KLF13: variants seen among roughly 807,000 people sequenced by gnomAD.
KLF13 encodes the protein Krueppel-like factor 13.
In KLF13, 8 loss-of-function variants were observed where a neutral mutation model predicts 16.7. That is an observed-to-expected ratio of 0.48 (90% CI 0.28 to 0.87). The LOEUF (loss-of-function observed/expected upper bound fraction) is 0.87. Ranked by LOEUF, KLF13 falls within the 40% of genes least tolerant of loss-of-function variation. KLF13 has a pLI of 0.10. For missense variants in KLF13, 447 were observed against 452.2 expected (o/e 0.99, Z 0.10); for synonymous variants, 245 against 208.4 (o/e 1.18, Z -1.51).
rs1234244162 is a variant in KLF13 at position 31,375,722 on chromosome 15, A to AAAACAGACGGACACAGCCCTT, written c.*3424_*3444dup. ...CTACTGGATCCTACAGCCATACAGG[A>AAAACAGACGGACACAGCCCTT]AAACAGACGGACACAGCCCTTTCCT... On this transcript the variant is annotated 3_prime_UTR_variant, in exon 2 of 2. Coordinates refer to ENST00000307145, the MANE Select transcript of KLF13 (RefSeq NM_015995.4). The AAAACAGACGGACACAGCCCTT allele has an allele frequency of 6.6e-6, 1 of 152,312 alleles. No individual in the cohort carries two copies. Among genetic ancestry groups the AAAACAGACGGACACAGCCCTT allele is most frequent in the East Asian group, 1.9e-4 (1 of 5,182 alleles). 9.4% of individuals were successfully genotyped at this position (152,312 alleles called of 1,614,324 possible). A position where few individuals can be genotyped will look rare whatever the true frequency, so the allele number is the denominator to read the frequency against.
downstream of KLF13, among the ~76,000 whole-genome samples, chr15:31,380,530 G>C (rs1358846986): frequency 6.6e-6 from 1 of 152,186 alleles, no homozygotes; most frequent in Non-Finnish European, 1.5e-5. Context: ...CTTTCTCCTA[G>C]CCTTGTTGGT....
At chr15:31,399,651 G>T (rs1203789232) in intron 2 of KLF13, among the ~76,000 whole-genome samples, 1 of 152,240 alleles carries the variant, frequency 6.6e-6, no homozygotes, top group African/African-American at 2.4e-5. Flanking sequence ...CCGCCTCGTG[G>T]CTGGGTGCGG....
At chr15:31,426,411 T>C (rs2040402243) in intron 1 of KLF13, among the ~76,000 whole-genome samples, 1 of 152,196 alleles carries the variant, frequency 6.6e-6, no homozygotes, top group Non-Finnish European at 1.5e-5. Flanking sequence ...AATACTTTCC[T>C]GGATATGATA....
chr15:31,420,502 G>A (rs979767655), intron 1 of KLF13: 2 of 639,448 alleles, frequency 3.1e-6, no homozygotes, highest in Non-Finnish European at 5.8e-6. Context: ...CGTCTGTACT[G>A]TATGGCATCA....
At chr15:31,403,828 C>T (rs1343199083) in exon 3 of KLF13, 1 of 152,232 alleles carries the variant, frequency 6.6e-6, no homozygotes, top group Non-Finnish European at 1.5e-5. Flanking sequence ...ATTCACCACC[C>T]TCAGAGAGTT....
rs1366466399 is a variant in KLF13 at position 31,428,818 on chromosome 15, A to AG, written n.118-6552_118-6551insG. Among the ~76,000 whole-genome samples, 26 of 147,180 alleles carry AG rather than the reference A, an allele frequency of 1.8e-4. 1 individual carries two copies. Among genetic ancestry groups the AG allele is most frequent in the Admixed American group, 4.7e-4 (7 of 14,798 alleles). On this transcript the variant is annotated intron_variant and non_coding_transcript_variant, in intron 1 of 1. Transcript: ENST00000558225. ...ACTCTATCTCAAAAAAAAAAAAAAAAAAAAAAAGAAAAAGAAAAAGAAATG... is the reference window on the plus strand; with the variant it reads ...ACTCTATCTCAAAAAAAAAAAAAAAAGAAAAAAAGAAAAAGAAAAAGAAATG...
chr15:31,371,973 A>G (rs927579518), intron 1 of KLF13, 37 bp from the exon 2 acceptor site: 3 of 1,553,952 alleles, frequency 1.9e-6, no homozygotes, highest in African/African-American at 2.7e-5. Flanking sequence ...AGGCGGGGCC[A>G]GGTGCGGATA....
At chr15:31,360,691 C>G (rs528326671) in intron 1 of KLF13, among the ~76,000 whole-genome samples, 81 of 152,234 alleles carry the variant, frequency 5.3e-4, no homozygotes, top group African/African-American at 8.7e-4. Context: ...AAAAACAGAC[C>G]GTTGTCTAAT....
At chr15:31,407,456 G>C (rs1455517615), downstream of KLF13, among the ~76,000 whole-genome samples, 1 of 152,184 alleles carries the variant, frequency 6.6e-6, no homozygotes, top group Non-Finnish European at 1.5e-5. Flanking sequence ...GAAATAGAAG[G>C]CTTCCTTCAA....
chr15:31,396,551 C>A (rs1332519326), intron 2 of KLF13, among the ~76,000 whole-genome samples: 1 of 152,160 alleles, frequency 6.6e-6, no homozygotes, highest in African/African-American at 2.4e-5. Context: ...TCGAAGCTGT[C>A]TTCTTGCATT....
At chr15:31,420,659 G>T in intron 1 of KLF13, 3 of 365,748 alleles carry the variant, frequency 8.2e-6, no homozygotes, top group South Asian at 4.8e-5. Flanking sequence ...CAGGACCCCT[G>T]ACCCAGGCTG....
chr15:31,328,116 C>A (rs986555925), intron 1 of KLF13, among the ~76,000 whole-genome samples: 1 of 149,644 alleles, frequency 6.7e-6, no homozygotes, highest in Admixed American at 6.6e-5. Flanking sequence ...GGAGGCGGCG[C>A]GGGCAGGTGC....
chr15:31,391,356 C>T (rs187860705), upstream of KLF13, among the ~76,000 whole-genome samples: 551 of 57,256 alleles, frequency 9.6e-3, 3 homozygotes, highest in Middle Eastern at 0.052. Flanking sequence ...GGGCTGAGTG[C>T]GGGGACCTGG....
chr15:31,426,127 A>G (rs1222618018), intron 1 of KLF13, among the ~76,000 whole-genome samples: 28 of 152,160 alleles, frequency 1.8e-4, no homozygotes, highest in Non-Finnish European at 1.5e-4. Flanking sequence ...TATTGTGCAT[A>G]TCATTATCAG....
intron 1 of KLF13, among the ~76,000 whole-genome samples, chr15:31,365,242 G>A (rs918671559): frequency 2.6e-5 from 4 of 152,184 alleles, no homozygotes; most frequent in African/African-American, 9.7e-5. Context: ...CTCCCTTTGA[G>A]TCTGACCAGC....
In KLF13 at chr15:31,345,105, T is replaced by A. The variant is rs540401327; in HGVS notation, c.577+17316T>A. On this transcript the variant is annotated intron_variant, in intron 1 of 1. Transcript: ENST00000307145. The stretch of plus-strand genomic sequence containing the variant: ...CCTTTGAGCAGGTGGGGGTTGGGTC[T>A]GGGTTCCATAGGGCTGGGCAGGAGG... Among the ~76,000 whole-genome samples, 3 of 152,160 alleles carry A rather than the reference T, an allele frequency of 2.0e-5. No homozygotes were observed. The East Asian group carries it at 5.8e-4, about 29-fold the overall frequency.
upstream of KLF13, among the ~76,000 whole-genome samples, chr15:31,389,634 G>A (rs1185977045): frequency 6.6e-6 from 1 of 152,258 alleles, no homozygotes; most frequent in East Asian, 1.9e-4. Flanking sequence ...CTTCATGGAA[G>A]GTGGGAGTAG....
At chr15:31,368,900 C>T (rs1042614524) in intron 1 of KLF13, among the ~76,000 whole-genome samples, 1 of 152,092 alleles carries the variant, frequency 6.6e-6, no homozygotes, top group Non-Finnish European at 1.5e-5. Context: ...AAAAAATCCT[C>T]TCACCAGTCC....
chr15:31,338,057 A>G (rs994054895), intron 1 of KLF13, among the ~76,000 whole-genome samples: 11 of 152,234 alleles, frequency 7.2e-5, no homozygotes, highest in African/African-American at 2.7e-4. Context: ...TACAGGAAAT[A>G]CAGCCTTGGC....
Sources: allele counts gnomAD v4.1 joint callset (sites outside exome capture counted in the v4.1 genomes callset), GRCh38; gene constraint gnomAD v4.1.1; transcripts MANE v1.5; gene names NCBI Gene and HGNC (gene_info 2026-07-23, HGNC 2026-07-21).